TTC21A: variants seen among roughly 807,000 people sequenced by gnomAD.
TTC21A encodes tetratricopeptide repeat protein 21A.
A neutral mutation model predicts 156.4 loss-of-function variants in TTC21A; 128 were observed. The observed-to-expected ratio is 0.82, with a 90% confidence interval of 0.71 to 0.95. The LOEUF (loss-of-function observed/expected upper bound fraction) is 0.95, where lower values mean the gene tolerates loss of function less well. Ranked by LOEUF, TTC21A falls within the 40% of genes least tolerant of loss-of-function variation. The pLI is 0.00. For missense variants in TTC21A, 1,435 were observed against 1,602.3 expected (o/e 0.90, Z 1.78); for synonymous variants, 587 against 617.1 (o/e 0.95, Z 0.72).
At chr3:39,131,140 TG>T (rs933688574) in intron 19 of TTC21A, 45 bp downstream of exon 19, 1 of 1,525,982 alleles carries the variant, frequency 6.6e-7, no homozygotes, top group Admixed American at 1.7e-5. Flanking sequence ...CATCTGCTGA[TG>T]GGGGCTGAAG....
Position 39,125,524 on chromosome 3 carries a change from C to A in TTC21A, c.1384C>A (p.Pro462Thr), listed in dbSNP as rs1182796606. The part of the protein sequence containing the change: ...CIAKEYLLFC[P>T]KQPRLPGQIV... Reference sequence around the variant, plus strand: ...TGCTAAGGAGTACTTGCTCTTCTGCCCCAAGCAGGTTAGGGGAAGGCCTGT... The same window carrying A: ...TGCTAAGGAGTACTTGCTCTTCTGCACCAAGCAGGTTAGGGGAAGGCCTGT... Residue 462 changes from proline (P) to threonine (T), a missense_variant, in exon 11 of 29, where the codon CCC becomes ACC. Coordinates refer to ENST00000683103, the MANE Select transcript of TTC21A (RefSeq NM_001366900.1). 1.2e-6 allele frequency: 2 copies of A among 1,612,040 alleles called. No individual in the cohort carries two copies. The highest frequency in any genetic ancestry group is 2.2e-5 in the East Asian group (1 of 44,882).
At chr3:39,123,588 A>G (rs2125810189) in intron 9 of TTC21A, among the ~76,000 whole-genome samples, 1 of 152,308 alleles carries the variant, frequency 6.6e-6, no homozygotes, top group Middle Eastern at 3.4e-3. Context: ...TATTAAACAT[A>G]AAAATTAAAT....
In TTC21A at chr3:39,107,711, AG is replaced by A. The variant is rs1449430987; in HGVS notation, c.-126del. ...TGGACGCTCCTAGCAACCGGCTAGCAGCTCGGTTTCCAAGGACTGTAACGCC... is the reference window on the plus strand; with the variant it reads ...TGGACGCTCCTAGCAACCGGCTAGCACTCGGTTTCCAAGGACTGTAACGCC... On this transcript the variant is annotated 5_prime_UTR_variant, in exon 1 of 29. Coordinates refer to ENST00000683103, the MANE Select transcript of TTC21A (RefSeq NM_001366900.1). 4 of 1,409,878 alleles carry A rather than the reference AG, an allele frequency of 2.8e-6. No individual in the cohort carries two copies. Among genetic ancestry groups the A allele is most frequent in the African/African-American group, 1.4e-5 (1 of 70,800 alleles). The allele number at this position is 1,409,878 out of a possible 1,614,324, so 87.3% of individuals were successfully genotyped here.
At chr3:39,118,230 C>T (rs2037454926) in intron 7 of TTC21A, 77 bp downstream of exon 7, 1 of 1,440,576 alleles carries the variant, frequency 6.9e-7, no homozygotes, top group Non-Finnish European at 9.8e-7. Context: ...GTGCACCTGA[C>T]CCAAAGCCCT....
chr3:39,117,520 C>T (rs1256958995), intron 6 of TTC21A, among the ~76,000 whole-genome samples: 1 of 152,228 alleles, frequency 6.6e-6, no homozygotes, highest in Admixed American at 6.5e-5. Flanking sequence ...CCCCCAAGTG[C>T]CTTTCTGGCC....
Position 39,126,396 on chromosome 3 carries a change from CG to C in TTC21A, c.1522+11del, listed in dbSNP as rs2038246168. On this transcript the variant is annotated splice_region_variant and intron_variant, in intron 12 of 28. Coordinates refer to ENST00000683103, the MANE Select transcript of TTC21A (RefSeq NM_001366900.1). Reference sequence around the variant, plus strand: ...TCAGGTCAGGTATTACTCAGGTGAGCGGGGGATCCTGACAGCCGGGTGGGGC... The same window carrying C: ...TCAGGTCAGGTATTACTCAGGTGAGCGGGGATCCTGACAGCCGGGTGGGGC... 2 of 1,609,334 alleles carry C rather than the reference CG, an allele frequency of 1.2e-6. No homozygotes were observed. The highest frequency in any genetic ancestry group is 1.7e-6 in the Non-Finnish European group (2 of 1,177,258).
intron 3 of TTC21A, chr3:39,110,413 C>T: frequency 1.8e-6 from 1 of 559,722 alleles, no homozygotes. Context: ...AAACACCCTT[C>T]TTCTTTGCCA....
In TTC21A at chr3:39,130,501, G is replaced by A. The variant is rs2038642407; in HGVS notation, c.2319+143G>A. The A allele has an allele frequency of 6.4e-6, 6 of 938,036 alleles. No individual in the cohort carries two copies. The highest frequency in any genetic ancestry group is 1.7e-5 in the African/African-American group (1 of 60,574). The allele number at this position is 938,036 out of a possible 1,614,324, so 58.1% of individuals were successfully genotyped here. ...TCCTTGCTGAATGGGGTGCCAAGGG[G>A]AGAACTCAGCAACTCTCTGCTGCTG... is the stretch of plus-strand genomic sequence containing the variant. On this transcript the variant is annotated intron_variant, in intron 17 of 28. Coordinates refer to ENST00000683103, the MANE Select transcript of TTC21A (RefSeq NM_001366900.1). The surrounding 1 kb of genome is among the most constrained non-coding windows in gnomAD (Gnocchi z 4.5).
rs1408789022 is a variant in TTC21A at position 39,119,963 on chromosome 3, A to C, written c.843A>C (p.Thr281=). The part of the protein sequence containing the change: ...HVRNLIKALE[T]REPENPSLHL... ...GAAATCTGATTAAGGCACTAGAGAC[A>C]AGGGAACCCGAAAATCCAAGCCTCC... The change falls in exon 8 of 29, where the codon ACA becomes ACC. Residue 281 remains threonine (T), a synonymous_variant. Transcript: ENST00000683103. 1 of 1,610,442 alleles carries C rather than the reference A, an allele frequency of 6.2e-7. No individual in the cohort carries two copies. The highest frequency in any genetic ancestry group is 1.1e-5 in the South Asian group (1 of 91,020).
At chr3:39,133,388 G>A (rs1385163292) in intron 20 of TTC21A, 148 bp downstream of exon 20, 2 of 783,680 alleles carry the variant, frequency 2.6e-6, no homozygotes, top group East Asian at 2.7e-5. Flanking sequence ...AGCTAGCAGT[G>A]GCCTCTGGGG....
chr3:39,131,780 A>G (rs1470043179), intron 19 of TTC21A: 2 of 152,252 alleles, frequency 1.3e-5, no homozygotes, highest in Non-Finnish European at 2.9e-5. Context: ...TGAAGCCACC[A>G]GTTCCACTCC....
chr3:39,114,500 T>C (rs2037109042), intron 5 of TTC21A, 85 bp from the exon 6 acceptor site: 1 of 1,375,786 alleles, frequency 7.3e-7, no homozygotes, highest in South Asian at 1.2e-5. Context: ...CCTGTTTTCA[T>C]GGAGACACAG....
rs140576695 is a variant in TTC21A, at chr3:39,138,173, T to G, written c.3676-94T>G. The G allele has an allele frequency of 1.0e-3, 1,630 of 1,580,066 alleles. 17 individuals carry two copies. In the African/African-American group the frequency reaches 0.017, roughly 17 times the overall value. ...TTTATGGCAGCTCACTTCTGTCCCTTGCCTGCTTCTGGTTCTGGTCCCAGT... is the reference window on the plus strand; with the variant it reads ...TTTATGGCAGCTCACTTCTGTCCCTGGCCTGCTTCTGGTTCTGGTCCCAGT... On this transcript the variant is annotated intron_variant, in intron 26 of 28. Transcript: ENST00000683103.
Position 39,130,579 on chromosome 3 carries a change from C to G in TTC21A, c.2320-122C>G. The G allele has an allele frequency of 7.6e-7, 1 of 1,320,310 alleles. No individual in the cohort carries two copies. Among genetic ancestry groups the G allele is most frequent in the Admixed American group, 2.0e-5 (1 of 49,920 alleles). 81.8% of individuals were successfully genotyped at this position (1,320,310 alleles called of 1,614,324 possible). ...ACCCTGTGCCAGCTGGGAGGAGTGC[C>G]TTTTCACTTTAGGCTATGTTCTGGA... On this transcript the variant is annotated intron_variant, in intron 17 of 28. Transcript: ENST00000683103. This position sits in a 1 kb window ranked among gnomAD's most constrained non-coding sequence, Gnocchi z 4.5.
chr3:39,136,217 G>C (rs2039102204), intron 22 of TTC21A, 140 bp from the exon 23 acceptor site: 1 of 780,682 alleles, frequency 1.3e-6, no homozygotes, highest in East Asian at 2.6e-5. Context: ...CTGGAGACCA[G>C]TGGAGACTCT....
At chr3:39,137,437 G>A (rs747991148) in intron 25 of TTC21A, 49 bp from the exon 26 acceptor site, 17 of 1,611,560 alleles carry the variant, frequency 1.1e-5, no homozygotes, top group Non-Finnish European at 1.4e-5. Flanking sequence ...GGGCCGAGAA[G>A]ACCAGGCGGC....
chr3:39,110,047 T>C lies in TTC21A; in HGVS notation c.176T>C (p.Ile59Thr). 1 of 1,613,936 alleles carries C rather than the reference T, an allele frequency of 6.2e-7. No individual in the cohort carries two copies. Among genetic ancestry groups the C allele is most frequent in the East Asian group, 2.2e-5 (1 of 44,890 alleles). The change falls in exon 3 of 29, where the codon ATC becomes ACC. Residue 59 changes from isoleucine (I) to threonine (T), a missense_variant. Coordinates refer to ENST00000683103, the MANE Select transcript of TTC21A (RefSeq NM_001366900.1). ...TTTGCAGAGCACATCCAGGATGCCA[T>C]CAGTGACCTGGAAAGCATCAGGCAT... Reference protein sequence around the residue: ...VLKEEHIQDAISDLESIRHHP... With the variant: ...VLKEEHIQDATSDLESIRHHP...
intron 2 of TTC21A, 97 bp from the exon 3 acceptor site, chr3:39,109,932 C>A: frequency 1.2e-6 from 1 of 832,780 alleles, no homozygotes; most frequent in Non-Finnish European, 2.0e-6. Flanking sequence ...CCAGTTAGTC[C>A]AGCAGGTAGT....
chr3:39,132,446 C>T (rs1178233639), intron 19 of TTC21A, among the ~76,000 whole-genome samples: 1 of 152,200 alleles, frequency 6.6e-6, no homozygotes, highest in African/African-American at 2.4e-5. Context: ...CTGGAGTATG[C>T]TCTGTGCTTC....
Sources: gnomAD v4.1 joint callset for allele counts (sites outside exome capture counted in the v4.1 genomes callset) on GRCh38, gnomAD v4.1.1 for gene constraint, Gnocchi (gnomAD v3.1) non-coding constraint, MANE v1.5 for transcripts, NCBI Gene and HGNC (gene_info 2026-07-23, HGNC 2026-07-21) for gene names.